Variants in MAP7D2 observed in about 807,000 individuals in gnomAD.
MAP7D2 encodes the protein MAP7 domain containing 2.
A neutral mutation model predicts 63.5 loss-of-function variants in MAP7D2; 33 were observed. The ratio of observed to expected loss-of-function variants is 0.52; its 90% CI spans 0.39 to 0.70. The LOEUF is 0.70. Ranked by LOEUF, MAP7D2 falls within the 30% of genes least tolerant of loss-of-function variation. The pLI, the probability that MAP7D2 is intolerant of heterozygous loss-of-function variation, is 0.00. For missense variants in MAP7D2, 626 were observed against 604.0 expected (o/e 1.04, Z -0.38); for synonymous variants, 224 against 223.7 (o/e 1.00, Z -0.01).
intron 4 of MAP7D2, chrX:20,055,711 G>A: frequency 2.3e-6 from 2 of 883,331 alleles, no homozygotes; most frequent in Non-Finnish European, 1.5e-6. Context: ...AAAATGCTAT[G>A]GCACAGTGAT....
At chrX:20,100,375 G>A (rs1314405833) in intron 1 of MAP7D2, among the ~76,000 whole-genome samples, 1 of 111,761 alleles carries the variant, frequency 8.9e-6, no homozygotes, top group East Asian at 2.8e-4. Context: ...ATGCACTGTG[G>A]TGGGAATACA....
chrX:20,063,351 C>T, intron 3 of MAP7D2, 63 bp downstream of exon 3: 18 of 1,157,165 alleles, frequency 1.6e-5, no homozygotes, highest in Non-Finnish European at 2.1e-5. Context: ...GCAGGATGCC[C>T]AGGCACTCTG....
intron 8 of MAP7D2, among the ~76,000 whole-genome samples, chrX:20,041,407 A>C (rs971635858): frequency 8.9e-6 from 1 of 112,195 alleles, no homozygotes; most frequent in Non-Finnish European, 1.9e-5. Context: ...GATTTTCCTT[A>C]TGGAGGACAA....
intron 1 of MAP7D2, among the ~76,000 whole-genome samples, chrX:20,086,013 C>T (rs982803507): frequency 8.9e-6 from 1 of 112,347 alleles, no homozygotes; most frequent in Non-Finnish European, 1.9e-5. Flanking sequence ...TGCAGGCCTG[C>T]GCAGTTTTTT....
intron 8 of MAP7D2, among the ~76,000 whole-genome samples, chrX:20,034,391 C>T (rs778387685): frequency 1.7e-4 from 19 of 110,506 alleles, no homozygotes; most frequent in African/African-American, 5.6e-4. Context: ...CAACATTTTC[C>T]CTATCTGCCA....
In MAP7D2 at chrX:20,025,041, G is replaced by A; in HGVS notation, c.1322C>T (p.Ala441Val). ...PTAGTTDAGE[A>V]AKILAEKRRQ... is the part of the protein sequence containing the mutation. ...TCTCTTTTCAGCCAAGATCTTCGCA[G>A]CCTCTCCTGCATCAGTGGTGCCTGC... Residue 441 changes from alanine to valine, a missense_variant, in exon 10 of 17, where the codon GCT becomes GTT. Physicochemically the swap from Ala to Val is moderately conservative, Grantham distance 64 (BLOSUM62 0). Transcript: ENST00000379643. 1 of 1,210,913 alleles carries A rather than the reference G, an allele frequency of 8.3e-7. No individual in the cohort carries two copies. Among genetic ancestry groups the A allele is most frequent in the South Asian group, 1.8e-5 (1 of 56,903 alleles).
intron 5 of MAP7D2, chrX:20,052,365 T>C: frequency 3.7e-6 from 1 of 267,065 alleles, no homozygotes; most frequent in Admixed American, 4.3e-5. Flanking sequence ...ACCCAACCTT[T>C]TCCTCTTTTA....
At chrX:20,079,599 A>G (rs1336369478) in intron 1 of MAP7D2, among the ~76,000 whole-genome samples, 3 of 111,918 alleles carry the variant, frequency 2.7e-5, no homozygotes, top group Non-Finnish European at 5.6e-5. Context: ...GGCCTGCCCA[A>G]CTGTATCCTA....
chrX:20,026,163 A>G (rs2073838017), intron 8 of MAP7D2, among the ~76,000 whole-genome samples: 1 of 111,251 alleles, frequency 9.0e-6, no homozygotes, highest in Non-Finnish European at 1.9e-5. Flanking sequence ...AAAGGGAAAC[A>G]TTTTAAGAAG....
chrX:20,069,603 G>T (rs1398106898), intron 1 of MAP7D2, among the ~76,000 whole-genome samples: 1 of 109,959 alleles, frequency 9.1e-6, no homozygotes, highest in Non-Finnish European at 1.9e-5. Context: ...GCTTGCCAGG[G>T]GTTGAGAGGG....
In MAP7D2 at chrX:20,016,166, C is replaced by G; in HGVS notation, c.1572G>C (p.Lys524Asn). Reference sequence around the variant, plus strand: ...CTTTCAACAACAGCTCCTCCTCAGCCTTCCGCTTGGCCTCCTCGCCTGCCT... The same window carrying G: ...CTTTCAACAACAGCTCCTCCTCAGCGTTCCGCTTGGCCTCCTCGCCTGCCT... Reference protein sequence around the residue: ...KRKAGEEAKRKAEEELLLKEK... With the variant: ...KRKAGEEAKRNAEEELLLKEK... The change falls in exon 11 of 17, where the codon AAG becomes AAC. Residue 524 changes from lysine (K) to asparagine (N), a missense_variant. By Grantham distance (94) the Lys-to-Asn change is moderately conservative (BLOSUM62 0). Coordinates refer to ENST00000379643, the MANE Select transcript of MAP7D2 (RefSeq NM_001168465.2). 1 of 1,199,898 alleles carries G rather than the reference C, an allele frequency of 8.3e-7. No individual in the cohort carries two copies. Among genetic ancestry groups the G allele is most frequent in the South Asian group, 1.8e-5 (1 of 55,569 alleles).
chrX:20,021,085 C>T (rs779415088), intron 10 of MAP7D2, among the ~76,000 whole-genome samples: 41 of 112,540 alleles, frequency 3.6e-4, no homozygotes, highest in Non-Finnish European at 6.6e-4. Flanking sequence ...CTCCTGCTTA[C>T]TAGTTCCTGC....
intron 12 of MAP7D2, 90 bp from the exon 13 acceptor site, chrX:20,013,715 T>G (rs766064821): frequency 9.4e-6 from 6 of 638,272 alleles, no homozygotes; most frequent in Non-Finnish European, 1.4e-5. Flanking sequence ...AATGTCACAT[T>G]TCTCAGAAAA....
intron 3 of MAP7D2, among the ~76,000 whole-genome samples, chrX:20,057,915 C>G (rs1280471233): frequency 8.9e-6 from 1 of 112,503 alleles, no homozygotes; most frequent in Non-Finnish European, 1.9e-5. Flanking sequence ...TAATAGGTAT[C>G]TGGATTTATC....
chrX:20,068,530 A>T (rs1378603701), intron 1 of MAP7D2, among the ~76,000 whole-genome samples: 1 of 111,800 alleles, frequency 8.9e-6, no homozygotes, highest in Non-Finnish European at 1.9e-5. Flanking sequence ...CCACCTTCTG[A>T]CTCTACATGT....
intron 7 of MAP7D2, among the ~76,000 whole-genome samples, chrX:20,043,153 A>G (rs778330868): frequency 1.1e-3 from 122 of 111,145 alleles, no homozygotes; most frequent in Non-Finnish European, 2.0e-3. Flanking sequence ...TCCCTATCAC[A>G]CTTTTCTGCA....
intron 8 of MAP7D2, among the ~76,000 whole-genome samples, chrX:20,027,792 C>A (rs866886734): frequency 1.3e-5 from 1 of 74,521 alleles, no homozygotes; most frequent in African/African-American, 5.6e-5. Flanking sequence ...GAGAGAGAGA[C>A]AGAGACAGAC....
At chrX:20,081,243 G>A (rs751381912) in intron 1 of MAP7D2, among the ~76,000 whole-genome samples, 2 of 111,922 alleles carry the variant, frequency 1.8e-5, no homozygotes, top group Non-Finnish European at 3.8e-5. Flanking sequence ...GTGTATGTGT[G>A]TTTAATAACA....
chrX:20,053,494 C>T (rs1164942284), intron 4 of MAP7D2, among the ~76,000 whole-genome samples: 3 of 111,997 alleles, frequency 2.7e-5, no homozygotes, highest in Non-Finnish European at 3.8e-5. Context: ...TAAAGCAGAA[C>T]GGCCTCTTTA....
Sources: allele counts gnomAD v4.1 joint callset (sites outside exome capture counted in the v4.1 genomes callset), GRCh38; gene constraint gnomAD v4.1.1; transcripts MANE v1.5; gene names NCBI Gene and HGNC (gene_info 2026-07-23, HGNC 2026-07-21).